Variants in PEG3 observed in about 807,000 individuals in gnomAD.
PEG3 encodes paternally expressed 3, also known as paternally-expressed gene 3 protein.
PEG3 carries 23 observed loss-of-function variants against 35.5 expected under a neutral mutation model. The ratio of observed to expected loss-of-function variants is 0.65; its 90% confidence interval spans 0.47 to 0.92. PEG3 has a LOEUF of 0.92. Ranked by LOEUF, PEG3 falls within the 40% of genes least tolerant of loss-of-function variation. The probability of loss-of-function intolerance (pLI) is 0.00; values close to 1 mark genes in which losing one functional copy is unlikely to be tolerated. For synonymous variants in PEG3, 707 were observed against 697.0 expected (o/e 1.01, Z -0.23); for missense variants, 1,960 against 1,985.3 (o/e 0.99, Z 0.24).
chr19:56,839,728 A>G (rs921573261), intron 1 of PEG3, among the ~76,000 whole-genome samples: 10 of 143,618 alleles, frequency 7.0e-5, no homozygotes, highest in Non-Finnish European at 1.5e-4. Context: ...ACCCACAGTC[A>G]TTCAGCTTTG....
At chr19:56,821,857 G>A in intron 6 of PEG3, 103 bp from the exon 7 acceptor site, 2 of 1,224,734 alleles carry the variant, frequency 1.6e-6, no homozygotes, top group Admixed American at 1.8e-5. Flanking sequence ...GTGAGTGTAT[G>A]AGAGCAAGTG....
Position 56,815,068 on chromosome 19 carries a change from T to TGGTCTGTGA in PEG3, c.3365_3373dup (p.Leu1122_Asp1124dup), listed in dbSNP as rs778260017. On this transcript the variant is annotated inframe_insertion, in exon 10 of 10. Transcript: ENST00000326441. ...GCACTTCCTGCTGTGGACTTTCTGATGGTCTGTGAGGTCTGTGAGATCCAC... is the reference window on the plus strand; with the variant it reads ...GCACTTCCTGCTGTGGACTTTCTGATGGTCTGTGAGGTCTGTGAGGTCTGTGAGATCCAC... 1 of 1,614,128 alleles carries TGGTCTGTGA rather than the reference T, an allele frequency of 6.2e-7. No individual in the cohort carries two copies. The highest frequency in any genetic ancestry group is 2.2e-5 in the East Asian group (1 of 44,876).
chr19:56,833,383 C>T (rs150041566), intron 2 of PEG3: 325 of 350,496 alleles, frequency 9.3e-4, no homozygotes, highest in African/African-American at 6.7e-3. Context: ...TGTGTGGTCT[C>T]GTCTCTCTTC....
chr19:56,817,178 T>C lies in PEG3; in HGVS notation c.1264A>G (p.Met422Val). 1.9e-6 allele frequency: 3 copies of C among 1,614,214 alleles called. No homozygotes were observed. The South Asian group carries it at 3.3e-5, about 18-fold the overall frequency. The change falls in exon 10 of 10, where the codon ATG (methionine) becomes GTG (valine). Residue 422 changes from methionine to valine, a missense_variant. Met to Val is a conservative substitution (Grantham distance 21). Coordinates refer to ENST00000326441, the MANE Select transcript of PEG3 (RefSeq NM_006210.3). ...RKKPFECGSE[M>V]RKAMSVSSLS... The stretch of plus-strand genomic sequence containing the variant: ...CTGCTCACGCTCATGGCTTTTCTCA[T>C]CTCACTACCACATTCAAAGGGCTTC...
chr19:56,840,502 C>G (rs1396905528), intron 1 of PEG3, 80 bp downstream of exon 1: 1 of 152,294 alleles, frequency 6.6e-6, no homozygotes, highest in Non-Finnish European at 1.5e-5. Context: ...TGCGGCAAGA[C>G]GGCCACTCTG....
chr19:56,817,010 T>C lies in PEG3; in HGVS notation c.1432A>G (p.Asn478Asp). ...VEHQIMHTRE[N>D]LYEYGESFIH... ...AAGGACTCACCATACTCATAGAGGTTCTCTCTAGTATGCATGATCTGGTGC... is the reference window on the plus strand; with the variant it reads ...AAGGACTCACCATACTCATAGAGGTCCTCTCTAGTATGCATGATCTGGTGC... The change falls in exon 10 of 10, where the codon AAC becomes GAC. Residue 478 changes from asparagine to aspartate, a missense_variant. By Grantham distance (23) the Asn-to-Asp change is conservative (BLOSUM62 1). Transcript: ENST00000326441. 8.7e-6 allele frequency: 14 copies of C among 1,613,898 alleles called. No homozygotes were observed. Among genetic ancestry groups the C allele is most frequent in the Non-Finnish European group, 1.2e-5 (14 of 1,179,754 alleles).
At position 56,816,563 on chromosome 19, in the gene PEG3, A is replaced by G. The variant is rs1404927511; in HGVS notation, c.1879T>C (p.Tyr627His). Residue 627 changes from tyrosine to histidine, a missense_variant, in exon 10 of 10, where the codon TAC (tyrosine) becomes CAC (histidine). Tyr to His is a moderately conservative substitution (Grantham distance 83). This residue lies in a region of PEG3 where 798 missense variants were observed against 782.4 expected (regional missense o/e 1.02). Transcript: ENST00000326441. Reference sequence around the variant, plus strand: ...GTCTCCCCACACACCTTACATTCGTACATTTTCTCTTTACCATACATTTTC... The same window carrying G: ...GTCTCCCCACACACCTTACATTCGTGCATTTTCTCTTTACCATACATTTTC... ...FQKMYGKEKM[Y>H]ECKVCGETFL... 1 of 1,614,066 alleles carries G rather than the reference A, an allele frequency of 6.2e-7. No homozygotes were observed. The highest frequency in any genetic ancestry group is 2.2e-5 in the East Asian group (1 of 44,876).
Position 56,813,621 on chromosome 19 carries a change from G to A in PEG3, c.*54C>T. The A allele has an allele frequency of 1.9e-6, 3 of 1,551,610 alleles. No homozygotes were observed. The highest frequency in any genetic ancestry group is 1.7e-6 in the Non-Finnish European group (2 of 1,146,724). ...CATGGATTGGTTTGGATTCTCTGTG[G>A]TTTGGTAAGGGTCAAGTCCTAGGTG... On this transcript the variant is annotated 3_prime_UTR_variant, in exon 10 of 10. Coordinates refer to ENST00000326441, the MANE Select transcript of PEG3 (RefSeq NM_006210.3).
In PEG3 at chr19:56,818,662, T is replaced by A. The variant is rs968104069; in HGVS notation, c.710A>T (p.Asp237Val). Residue 237 changes from aspartate (D) to valine (V), a missense_variant, in exon 8 of 10, where the codon GAC (aspartate) becomes GTC (valine). Transcript: ENST00000326441. ...CTGGATTGTGTTGTGAGGTTTCCTG[T>A]CCTCAGCGAGGTCCACCACATTTTG... ...SYQNVVDLAE[D>V]RKPHNTIQDN... 2 of 1,614,032 alleles carry A rather than the reference T, an allele frequency of 1.2e-6. No homozygotes were observed. The highest frequency in any genetic ancestry group is 2.7e-5 in the African/African-American group (2 of 74,918).
chr19:56,817,394 T>C lies in PEG3; in HGVS notation c.1048A>G (p.Lys350Glu). The change falls in exon 10 of 10, where the codon AAG becomes GAG. Residue 350 changes from lysine to glutamate, a missense_variant. Lys to Glu is a moderately conservative substitution (Grantham distance 56). Transcript: ENST00000326441. ...TCCCTCTTGTTCAATGAAATGTCCT[T>C]CCAGTTATCATCTGACATTCTGGGG... ...RFPRMSDDNW[K>E]DISLNKRESV... is the part of the protein sequence containing the mutation. 6.2e-7 allele frequency: 1 copy of C among 1,614,076 alleles called. No individual in the cohort carries two copies. The highest frequency in any genetic ancestry group is 1.1e-5 in the South Asian group (1 of 91,074).
Position 56,818,612 on chromosome 19 carries a change from G to T in PEG3, c.760C>A (p.Leu254Met). The change falls in exon 8 of 10, where the codon CTG (leucine) becomes ATG (methionine). Residue 254 changes from leucine (L) to methionine (M), a missense_variant. Around this residue, in one of 5 missense-constraint regions of PEG3, gnomAD observed 613 missense variants for 577.1 expected, o/e 1.06. Coordinates refer to ENST00000326441, the MANE Select transcript of PEG3 (RefSeq NM_006210.3). ...AGCAGCTGCTTACCGAGGGAGAGCAGCTTCCTGTAGTTTTCCATGTTGTCC... is the reference window on the plus strand; with the variant it reads ...AGCAGCTGCTTACCGAGGGAGAGCATCTTCCTGTAGTTTTCCATGTTGTCC... ...IQDNMENYRK[L>M]LSLVQLAEDD... 1.2e-6 allele frequency: 2 copies of T among 1,614,140 alleles called. No individual in the cohort carries two copies. Among genetic ancestry groups the T allele is most frequent in the Non-Finnish European group, 1.7e-6 (2 of 1,180,024 alleles).
At position 56,812,418 on chromosome 19, in the gene PEG3, A is replaced by ATT. The variant is rs34297427; in HGVS notation, c.*1255_*1256dup. ...GTTAAGCTTGGGTTGACTGTAAAGAATTTTTTTTTTTTTAATGCAAGTTAG... is the reference window on the plus strand; with the variant it reads ...GTTAAGCTTGGGTTGACTGTAAAGAATTTTTTTTTTTTTTTAATGCAAGTTAG... On this transcript the variant is annotated 3_prime_UTR_variant, in exon 10 of 10. Transcript: ENST00000326441. 808 of 849,734 alleles carry ATT rather than the reference A, an allele frequency of 9.5e-4. No individual in the cohort carries two copies. The highest frequency in any genetic ancestry group is 2.7e-3 in the East Asian group (22 of 8,298). The allele number at this position is 849,734 out of a possible 1,614,324, so 52.6% of individuals were successfully genotyped here.
chr19:56,812,477 A>G lies in PEG3; in HGVS notation c.*1198T>C. On this transcript the variant is annotated 3_prime_UTR_variant, in exon 10 of 10. Coordinates refer to ENST00000326441, the MANE Select transcript of PEG3 (RefSeq NM_006210.3). ...TTAGAGGGTCAGATAAATAACGAAG[A>G]GAATTAAGTTAGCGATAGAAAGATC... 2 of 985,100 alleles carry G rather than the reference A, an allele frequency of 2.0e-6. No homozygotes were observed. Among genetic ancestry groups the G allele is most frequent in the Non-Finnish European group, 2.4e-6 (2 of 829,392 alleles). The allele number at this position is 985,100 out of a possible 1,614,324, so 61.0% of individuals were successfully genotyped here.
Position 56,811,514 on chromosome 19 carries a change from T to C in PEG3, c.*2161A>G, listed in dbSNP as rs181845486. On this transcript the variant is annotated 3_prime_UTR_variant, in exon 10 of 10. Transcript: ENST00000326441. ...TAGGTTTAAACAATCATTCTCTTGT[T>C]TACCATTTGTTACTACCTTTTCACT... The C allele has an allele frequency of 6.1e-6, 6 of 985,210 alleles. No homozygotes were observed. Among genetic ancestry groups the C allele is most frequent in the Admixed American group, 6.1e-5 (1 of 16,284 alleles). The allele number at this position is 985,210 out of a possible 1,614,324, so 61.0% of individuals were successfully genotyped here. A position where few individuals can be genotyped will look rare whatever the true frequency, so the allele number is the denominator to read the frequency against.
rs1600942387 is a variant in PEG3, at chr19:56,816,675, G to C, written c.1767C>G (p.Asp589Glu). ...GTTCATGTTCACGCTCATTATCTTT[G>C]TCATCCCCAAAGTGGATTTTCTGGT... is the stretch of plus-strand genomic sequence containing the variant. Reference protein sequence around the residue: ...IEHQKIHFGDDKDNEREHERE... With the variant: ...IEHQKIHFGDEKDNEREHERE... Residue 589 changes from aspartate (D) to glutamate (E), a missense_variant, in exon 10 of 10, where the codon GAC (aspartate) becomes GAG (glutamate). By Grantham distance (45) the Asp-to-Glu change is conservative. Transcript: ENST00000326441. 2 of 1,614,000 alleles carry C rather than the reference G, an allele frequency of 1.2e-6. No homozygotes were observed. Among genetic ancestry groups the C allele is most frequent in the East Asian group, 4.5e-5 (2 of 44,862 alleles).
intron 1 of PEG3, among the ~76,000 whole-genome samples, chr19:56,839,699 G>C (rs1181490667): frequency 6.6e-6 from 1 of 151,764 alleles, no homozygotes. Context: ...GGCTGGAACA[G>C]ACCATTACAT....
intron 7 of PEG3, among the ~76,000 whole-genome samples, chr19:56,820,692 T>C (rs559136868): frequency 1.3e-5 from 2 of 152,354 alleles, no homozygotes; most frequent in South Asian, 4.1e-4. Context: ...TTACAATTTC[T>C]TGTTAACTCT....
chr19:56,839,518 AG>A (rs1312654449), intron 1 of PEG3, among the ~76,000 whole-genome samples: 1 of 149,960 alleles, frequency 6.7e-6, no homozygotes, highest in African/African-American at 2.5e-5. Context: ...GCACCTGCGC[AG>A]CAAACCTCAG....
At chr19:56,826,971 T>C (rs2061102013) in intron 2 of PEG3, among the ~76,000 whole-genome samples, 1 of 152,152 alleles carries the variant, frequency 6.6e-6, no homozygotes. Context: ...GGCAGGCTTA[T>C]AGAGTTCAAT....
Sources: allele counts gnomAD v4.1 joint callset (sites outside exome capture counted in the v4.1 genomes callset), GRCh38; gene constraint gnomAD v4.1.1; regional missense constraint gnomAD v4.1.1; transcripts MANE v1.5; gene names NCBI Gene and HGNC (gene_info 2026-07-23, HGNC 2026-07-21).